Variants in FAM193B observed in about 807,000 individuals in gnomAD.
FAM193B encodes the protein family with sequence similarity 193 member B.
Under a neutral mutation model 70.7 loss-of-function variants are expected in FAM193B, and 27 were observed. That is an observed-to-expected ratio of 0.38 (90% CI 0.28 to 0.53). The LOEUF is 0.53. Among genes scored for constraint, FAM193B ranks in the 20% least tolerant of loss-of-function variants. The pLI is 0.81. For synonymous variants in FAM193B, 448 were observed against 436.0 expected, an observed-to-expected ratio of 1.03 and a Z score of -0.34; for missense variants, 1,022 against 1,072.5, an observed-to-expected ratio of 0.95 and a Z score of 0.66.
chr5:177,541,544 G>A (rs972936783), intron 1 of FAM193B, among the ~76,000 whole-genome samples: 2 of 152,040 alleles, frequency 1.3e-5, no homozygotes, highest in Admixed American at 6.5e-5. Context: ...TCAGCCTCCC[G>A]AGTAGCCGGG....
In FAM193B at chr5:177,536,756, A is replaced by C; in HGVS notation, c.689-11T>G. On this transcript the variant is annotated splice_polypyrimidine_tract_variant and intron_variant, in intron 3 of 8. Coordinates refer to ENST00000514747, the MANE Select transcript of FAM193B (RefSeq NM_001190946.3). The stretch of plus-strand genomic sequence containing the variant: ...CGGGGAAAGCCTCACCTGTGGGCAG[A>C]GGGAGGAGAAAGGGGTCAGAATGGG... The C allele has an allele frequency of 1.9e-6, 3 of 1,548,662 alleles. No individual in the cohort carries two copies. Among genetic ancestry groups the C allele is most frequent in the Non-Finnish European group, 2.6e-6 (3 of 1,147,452 alleles).
chr5:177,532,051 C>T lies in FAM193B; in HGVS notation c.1275+392G>A. 1 of 1,293,818 alleles carries T rather than the reference C, an allele frequency of 7.7e-7. No individual in the cohort carries two copies. Among genetic ancestry groups the T allele is most frequent in the South Asian group, 1.2e-5 (1 of 81,050 alleles). 80.1% of individuals were successfully genotyped at this position (1,293,818 alleles called of 1,614,324 possible). The stretch of plus-strand genomic sequence containing the variant: ...GCGCCGTCTGTGCTCACGGCCTGTC[C>T]CTCGGCTGGCTGTCACACTTGGGGG... On this transcript the variant is annotated intron_variant, in intron 5 of 8. Transcript: ENST00000514747. The surrounding 1 kb of genome is among the most constrained non-coding windows in gnomAD (Gnocchi z 4.9).
In FAM193B at chr5:177,554,424, G is replaced by T. The variant is rs1224030951; in HGVS notation, c.35C>A (p.Ala12Glu). The T allele has an allele frequency of 9.1e-7, 1 of 1,093,222 alleles. No individual in the cohort carries two copies. The highest frequency in any genetic ancestry group is 1.1e-6 in the Non-Finnish European group (1 of 901,502). The allele number at this position is 1,093,222 out of a possible 1,614,324, so 67.7% of individuals were successfully genotyped here. ...GGCCCGAGCCCGCTCGCGCCTGCCC[G>T]CACCGCCGCTCGGCCTGCTCCGCCT... The part of the protein sequence containing the change: ...TRRRSRPSGG[A>E]GRRERARAAG... Residue 12 changes from alanine to glutamate, a missense_variant, in exon 1 of 9, where the codon GCG becomes GAG. Transcript: ENST00000514747.
At chr5:177,527,428 C>T (rs756082610) in intron 5 of FAM193B, among the ~76,000 whole-genome samples, 2 of 152,168 alleles carry the variant, frequency 1.3e-5, no homozygotes, top group Non-Finnish European at 2.9e-5. Flanking sequence ...GTGGACTGGT[C>T]TGAGCTATCA....
intron 5 of FAM193B, among the ~76,000 whole-genome samples, chr5:177,528,546 G>A (rs905968886): frequency 3.3e-5 from 5 of 152,230 alleles, no homozygotes; most frequent in African/African-American, 1.2e-4. Flanking sequence ...AGAAAGTACC[G>A]CACAGGCCTT....
At position 177,524,520 on chromosome 5, in the gene FAM193B, C is replaced by T. The variant is rs369935019; in HGVS notation, c.1961G>A (p.Arg654Gln). The T allele has an allele frequency of 1.2e-4, 193 of 1,612,296 alleles. No individual in the cohort carries two copies. The highest frequency in any genetic ancestry group is 2.3e-4 in the Admixed American group (14 of 59,856). ...AKKSEASPAP[R>Q]PPASLEVPSA... ...GGGAACCTCTAGGCTGGCTGGGGGCCGGGGGGCTGGGCTTGCCTCGCTCTT... is the reference window on the plus strand; with the variant it reads ...GGGAACCTCTAGGCTGGCTGGGGGCTGGGGGGCTGGGCTTGCCTCGCTCTT... The change falls in exon 6 of 9, where the codon CGG becomes CAG. Residue 654 changes from arginine (R) to glutamine (Q), a missense_variant. Transcript: ENST00000514747.
At position 177,552,841 on chromosome 5, in the gene FAM193B, G is replaced by A. The variant is rs1766464182; in HGVS notation, c.210+1408C>T. ...CCTTATTGTGATCTGAGACACAAAG[G>A]AAATCAGCATGAAAACTGGGTTACA... On this transcript the variant is annotated intron_variant, in intron 1 of 8. Coordinates refer to ENST00000514747, the MANE Select transcript of FAM193B (RefSeq NM_001190946.3). Among the ~76,000 whole-genome samples, 4 of 152,324 alleles carry A rather than the reference G, an allele frequency of 2.6e-5. No homozygotes were observed. In the South Asian group the frequency reaches 6.2e-4, roughly 24 times the overall value.
At chr5:177,526,655 C>T (rs1224648779) in intron 5 of FAM193B, among the ~76,000 whole-genome samples, 1 of 152,246 alleles carries the variant, frequency 6.6e-6, no homozygotes, top group East Asian at 1.9e-4. Context: ...CAGCACTTCC[C>T]ATAGATGTCT....
intron 1 of FAM193B, among the ~76,000 whole-genome samples, chr5:177,550,982 C>T (rs567192615): frequency 0.013 from 1,887 of 150,638 alleles, 41 homozygotes; most frequent in African/African-American, 0.044. Context: ...GGTGTGAACC[C>T]ATGCCCAGCT....
In FAM193B at chr5:177,525,077, G is replaced by A. The variant is rs1175151220; in HGVS notation, c.1404C>T (p.Asn468=). The A allele has an allele frequency of 1.9e-6, 3 of 1,598,216 alleles. No individual in the cohort carries two copies. Among genetic ancestry groups the A allele is most frequent in the African/African-American group, 1.4e-5 (1 of 74,062 alleles). The part of the protein sequence containing the change: ...EWPDRELDRV[N]SFLSSRLQEI... ...CCTGCAGACGGCTGCTCAGGAAGCT[G>A]TTGACCCGATCCAGTTCCCGGTCGG... Residue 468 remains asparagine (N), a synonymous_variant, in exon 6 of 9, where the codon AAC becomes AAT. Transcript: ENST00000514747.
intron 5 of FAM193B, among the ~76,000 whole-genome samples, chr5:177,527,576 A>G (rs1436400316): frequency 6.6e-6 from 1 of 152,208 alleles, no homozygotes; most frequent in East Asian, 1.9e-4. Context: ...ACTCTGCCTA[A>G]CCTTTCCATG....
At position 177,538,471 on chromosome 5, in the gene FAM193B, C is replaced by T. The variant is rs181053193; in HGVS notation, c.454-364G>A. On this transcript the variant is annotated intron_variant, in intron 2 of 8. Coordinates refer to ENST00000514747, the MANE Select transcript of FAM193B (RefSeq NM_001190946.3). This position sits in a 1 kb window ranked among gnomAD's most constrained non-coding sequence, Gnocchi z 4.1. The stretch of plus-strand genomic sequence containing the variant: ...GGGTAAAAGGGAAGATCTGCAGCGA[C>T]GTGAGAAATGAGGAAAGTCTGGCCA... 2.0e-5 allele frequency among the ~76,000 whole-genome samples: 3 copies of T among 152,306 alleles called. No individual in the cohort carries two copies. The highest frequency in any genetic ancestry group is 1.9e-4 in the East Asian group (1 of 5,186).
intron 5 of FAM193B, among the ~76,000 whole-genome samples, chr5:177,527,827 T>C (rs559817030): frequency 6.6e-5 from 10 of 152,276 alleles, no homozygotes; most frequent in South Asian, 4.1e-4. Flanking sequence ...GGCGGTGCCA[T>C]TGACTAGACA....
Position 177,524,477 on chromosome 5 carries a change from G to A in FAM193B, c.2004C>T (p.Val668=), listed in dbSNP as rs758921687. 5.2e-5 allele frequency: 84 copies of A among 1,612,206 alleles called. No individual in the cohort carries two copies. Among genetic ancestry groups the A allele is most frequent in the East Asian group, 1.8e-4 (8 of 44,874 alleles). ...CCCTGCCTGGCTGCTTGGGGCCAGCGACCTGGCCCTTGGCACTGGGAACCT... is the reference window on the plus strand; with the variant it reads ...CCCTGCCTGGCTGCTTGGGGCCAGCAACCTGGCCCTTGGCACTGGGAACCT... The part of the protein sequence containing the change: ...SLEVPSAKGQ[V]AGPKQPGRVL... The change falls in exon 6 of 9, where the codon GTC becomes GTT. Residue 668 remains valine, a synonymous_variant. Coordinates refer to ENST00000514747, the MANE Select transcript of FAM193B (RefSeq NM_001190946.3).
At chr5:177,534,777 C>T (rs1035684308) in intron 4 of FAM193B, among the ~76,000 whole-genome samples, 3 of 152,060 alleles carry the variant, frequency 2.0e-5, no homozygotes, top group Admixed American at 1.3e-4. Context: ...CACATTATGC[C>T]CCACTAGTTT....
At position 177,539,167 on chromosome 5, in the gene FAM193B, AG is replaced by A. The variant is rs1216688812; in HGVS notation, c.211-21del. The A allele has an allele frequency of 2.0e-6, 3 of 1,528,604 alleles. No homozygotes were observed. The highest frequency in any genetic ancestry group is 2.6e-6 in the Non-Finnish European group (3 of 1,134,988). The allele number at this position is 1,528,604 out of a possible 1,614,324, so 94.7% of individuals were successfully genotyped here. A position where few individuals can be genotyped will look rare whatever the true frequency, so the allele number is the denominator to read the frequency against. On this transcript the variant is annotated intron_variant, in intron 1 of 8. Transcript: ENST00000514747. ...GGGGACCTGTCCAACAGACAGAAACAGGGTTTCCCAGGAGGGGAAAGGCTCT... is the reference window on the plus strand; with the variant it reads ...GGGGACCTGTCCAACAGACAGAAACAGGTTTCCCAGGAGGGGAAAGGCTCT...
chr5:177,546,920 C>T (rs1765499182), intron 1 of FAM193B, among the ~76,000 whole-genome samples: 1 of 152,212 alleles, frequency 6.6e-6, no homozygotes, highest in African/African-American at 2.4e-5. Context: ...GCAGATTTAC[C>T]TGAATCCTCA....
At chr5:177,553,325 CA>C (rs1766549733) in intron 1 of FAM193B, 1 of 991,354 alleles carries the variant, frequency 1.0e-6, no homozygotes. Flanking sequence ...TCCGACCCTC[CA>C]AGACTCCTGC....
Position 177,536,663 on chromosome 5 carries a change from C to T in FAM193B, c.771G>A (p.Gln257=), listed in dbSNP as rs527779657. Residue 257 remains glutamine, a synonymous_variant, in exon 4 of 9, where the codon CAG becomes CAA. Coordinates refer to ENST00000514747, the MANE Select transcript of FAM193B (RefSeq NM_001190946.3). ...PPNSPTGHHP[Q]PASLIPSHPS... is the part of the protein sequence containing the mutation. Reference sequence around the variant, plus strand: ...GGTGAGACGGGATTAGAGATGCTGGCTGCGGGTGGTGGCCGGTGGGGCTGT... The same window carrying T: ...GGTGAGACGGGATTAGAGATGCTGGTTGCGGGTGGTGGCCGGTGGGGCTGT... 18 of 1,562,788 alleles carry T rather than the reference C, an allele frequency of 1.2e-5. No individual in the cohort carries two copies. The African/African-American group carries it at 2.5e-4, about 21-fold the overall frequency.
Sources: gnomAD v4.1 joint callset for allele counts (sites outside exome capture counted in the v4.1 genomes callset) on GRCh38, gnomAD v4.1.1 for gene constraint, Gnocchi (gnomAD v3.1) non-coding constraint, MANE v1.5 for transcripts, NCBI Gene and HGNC (gene_info 2026-07-23, HGNC 2026-07-21) for gene names.